HSPD1: variants seen among roughly 807,000 people sequenced by gnomAD.
HSPD1 encodes 60 kDa heat shock protein, mitochondrial.
HSPD1 carries 3 observed loss-of-function variants against 53.0 expected under a neutral mutation model. The observed-to-expected ratio is 0.06, with a 90% CI of 0.03 to 0.15. HSPD1 has a LOEUF of 0.15. Among genes scored for constraint, HSPD1 ranks in the 10% least tolerant of loss-of-function variants. The pLI, the probability that HSPD1 is intolerant of heterozygous loss-of-function variation, is 1.00. For synonymous variants in HSPD1, 200 were observed against 228.0 expected, an observed-to-expected ratio of 0.88 and a Z score of 1.10; for missense variants, 431 against 694.1, an observed-to-expected ratio of 0.62 and a Z score of 4.26.
intron 3 of HSPD1, chr2:197,496,901 C>A: frequency 1.9e-6 from 1 of 523,350 alleles, no homozygotes; most frequent in Non-Finnish European, 3.5e-6. Context: ...CAGAGCAAGA[C>A]CCTGTCTCTA....
At chr2:197,498,527 G>A (rs541343308) in intron 2 of HSPD1, 148 bp downstream of exon 2, 28 of 762,096 alleles carry the variant, frequency 3.7e-5, no homozygotes, top group East Asian at 1.6e-4. Flanking sequence ...AAGAAAAAAA[G>A]GCTAACCAAT....
chr2:197,487,520 G>A (rs1252577861), intron 11 of HSPD1, among the ~76,000 whole-genome samples: 3 of 152,180 alleles, frequency 2.0e-5, no homozygotes, highest in Admixed American at 1.3e-4. Flanking sequence ...GCGACACAGC[G>A]ACTCTGTCTT....
At chr2:197,490,423 G>GTTTT in intron 7 of HSPD1, 127 bp from the exon 8 acceptor site, 1 of 579,060 alleles carries the variant, frequency 1.7e-6, no homozygotes, top group African/African-American at 2.0e-5. Context: ...GTGTTTTTTT[G>GTTTT]TTTTTTTTTT....
chr2:197,491,805 C>G (rs2086095901), intron 7 of HSPD1, among the ~76,000 whole-genome samples: 1 of 152,286 alleles, frequency 6.6e-6, no homozygotes, highest in Admixed American at 6.5e-5. Context: ...GCTATTTTCT[C>G]TACTTCAGAC....
Position 197,487,053 on chromosome 2 carries a change from A to G in HSPD1, c.1715T>C (p.Met572Thr). ...GGMGGGMGGG[M>T]F ...AAAGCACTAGTCTAGGAGTTAGAACATGCCACCTCCCATACCACCTCCCAT... is the reference window on the plus strand; with the variant it reads ...AAAGCACTAGTCTAGGAGTTAGAACGTGCCACCTCCCATACCACCTCCCAT... Residue 572 changes from methionine to threonine, a missense_variant, in exon 12 of 12, where the codon ATG (methionine) becomes ACG (threonine). Physicochemically the swap from Met to Thr is moderately conservative, Grantham distance 81. Transcript: ENST00000388968. 1.4e-6 allele frequency: 2 copies of G among 1,450,098 alleles called. No homozygotes were observed. Among genetic ancestry groups the G allele is most frequent in the Non-Finnish European group, 1.9e-6 (2 of 1,030,534 alleles). 89.8% of individuals were successfully genotyped at this position (1,450,098 alleles called of 1,614,324 possible). A position where few individuals can be genotyped will look rare whatever the true frequency, so the allele number is the denominator to read the frequency against.
chr2:197,495,241 C>T, intron 4 of HSPD1, 53 bp downstream of exon 4: 1 of 999,006 alleles, frequency 1.0e-6, no homozygotes, highest in Non-Finnish European at 1.6e-6. Context: ...AAAAAAAAAT[C>T]ACACATGCCA....
chr2:197,491,042 T>A (rs2086085081), intron 7 of HSPD1, among the ~76,000 whole-genome samples: 1 of 152,132 alleles, frequency 6.6e-6, no homozygotes, highest in South Asian at 2.1e-4. Context: ...AGACAGCTGG[T>A]CTATTTTATT....
chr2:197,500,003 G>C, upstream of HSPD1: 1 of 158,912 alleles, frequency 6.3e-6, no homozygotes. Flanking sequence ...CCCTACCCGC[G>C]CAGGGTGTGC....
intron 2 of HSPD1, among the ~76,000 whole-genome samples, chr2:197,497,784 C>T (rs1203644075): frequency 6.6e-6 from 1 of 152,196 alleles, no homozygotes; most frequent in Non-Finnish European, 1.5e-5. Flanking sequence ...AAAATATTAA[C>T]CATCAAGGCA....
intron 7 of HSPD1, among the ~76,000 whole-genome samples, chr2:197,492,612 A>G (rs1250194430): frequency 2.0e-5 from 3 of 152,088 alleles, no homozygotes; most frequent in Non-Finnish European, 4.4e-5. Flanking sequence ...AAAAAACAAG[A>G]TTGACACTTG....
chr2:197,486,989 A>G lies in HSPD1; in HGVS notation c.*57T>C. ...TTCTCTGAAGTTATTGGTGAGGAACACTGCCTTGGGCTTCCTGTCACAGTT... is the reference window on the plus strand; with the variant it reads ...TTCTCTGAAGTTATTGGTGAGGAACGCTGCCTTGGGCTTCCTGTCACAGTT... On this transcript the variant is annotated 3_prime_UTR_variant, in exon 12 of 12. Coordinates refer to ENST00000388968, the MANE Select transcript of HSPD1 (RefSeq NM_002156.5). The G allele has an allele frequency of 2.8e-6, 3 of 1,056,998 alleles. No homozygotes were observed. Among genetic ancestry groups the G allele is most frequent in the Non-Finnish European group, 3.0e-6 (2 of 676,662 alleles). 65.5% of individuals were successfully genotyped at this position (1,056,998 alleles called of 1,614,324 possible). A position where few individuals can be genotyped will look rare whatever the true frequency, so the allele number is the denominator to read the frequency against.
At chr2:197,493,274 TTCTG>T (rs768902789) in intron 7 of HSPD1, 46 bp downstream of exon 7, 18 of 1,500,374 alleles carry the variant, frequency 1.2e-5, no homozygotes, top group African/African-American at 6.9e-5. Flanking sequence ...ATACAAATAA[TTCTG>T]TCTTTCACCG....
In HSPD1 at chr2:197,488,426, A is replaced by G; in HGVS notation, c.1281T>C (p.Ala427=). 1 of 1,613,622 alleles carries G rather than the reference A, an allele frequency of 6.2e-7. No individual in the cohort carries two copies. The highest frequency in any genetic ancestry group is 8.5e-7 in the Non-Finnish European group (1 of 1,179,488). Residue 427 remains alanine, a synonymous_variant, in exon 10 of 12, where the codon GCT becomes GCC. Transcript: ENST00000388968. ...KKDRVTDALN[A]TRAAVEEGIV... is the part of the protein sequence containing the mutation. ...TGCCTTCTTCAACAGCAGCTCTTGT[A>G]GCATTAAGGGCATCTGTAACTCTGT...
chr2:197,492,182 T>C (rs896439887), intron 7 of HSPD1, among the ~76,000 whole-genome samples: 3 of 152,008 alleles, frequency 2.0e-5, no homozygotes, highest in African/African-American at 7.3e-5. Flanking sequence ...GATGGTGAAA[T>C]ACACTTACAT....
intron 7 of HSPD1, among the ~76,000 whole-genome samples, chr2:197,491,083 C>G (rs973178966): frequency 5.3e-5 from 8 of 151,998 alleles, no homozygotes; most frequent in Non-Finnish European, 1.5e-5. Flanking sequence ...GAGGAATAAG[C>G]TATATGCTAT....
In HSPD1 at chr2:197,497,745, ATG is replaced by A. The variant is rs554495771; in HGVS notation, c.175-355_175-354del. 2.9e-3 allele frequency among the ~76,000 whole-genome samples: 445 copies of A among 152,378 alleles called. 1 individual carries two copies. The highest frequency in any genetic ancestry group is 4.8e-3 in the Non-Finnish European group (329 of 68,046). On this transcript the variant is annotated intron_variant, in intron 2 of 11. Coordinates refer to ENST00000388968, the MANE Select transcript of HSPD1 (RefSeq NM_002156.5). ...TTAGTGCCTGTTATCTTTTAAAGTA[ATG>A]TGACTTGTTTTAAAATCCGTTTAAC... is the stretch of plus-strand genomic sequence containing the variant.
At chr2:197,487,266 G>T in intron 11 of HSPD1, 68 bp from the exon 12 acceptor site, 1 of 1,423,312 alleles carries the variant, frequency 7.0e-7, no homozygotes, top group Non-Finnish European at 9.8e-7. Flanking sequence ...GAAAATTTCT[G>T]TCTGGGCATG....
intron 11 of HSPD1, 86 bp from the exon 12 acceptor site, chr2:197,487,284 ACAC>A: frequency 8.2e-7 from 1 of 1,221,232 alleles, no homozygotes; most frequent in South Asian, 1.3e-5. Flanking sequence ...ATGGTGGCTC[ACAC>A]CTGTAATCCA....
Position 197,495,315 on chromosome 2 carries a change from G to A in HSPD1, c.489C>T (p.Thr163=), listed in dbSNP as rs752291305. Residue 163 remains threonine, a synonymous_variant, in exon 4 of 12, where the codon ACC becomes ACT. Transcript: ENST00000388968. ...AELKKQSKPV[T]TPEEIAQVAT... The stretch of plus-strand genomic sequence containing the variant: ...TTACCTGTGCAATTTCTTCAGGGGT[G>A]GTCACAGGTTTAGACTGCTTTTTAA... The A allele has an allele frequency of 1.2e-6, 2 of 1,606,620 alleles. No individual in the cohort carries two copies. Among genetic ancestry groups the A allele is most frequent in the African/African-American group, 1.3e-5 (1 of 74,798 alleles).
Sources: allele counts gnomAD v4.1 joint callset (sites outside exome capture counted in the v4.1 genomes callset), GRCh38; gene constraint gnomAD v4.1.1; transcripts MANE v1.5; gene names NCBI Gene and HGNC (gene_info 2026-07-23, HGNC 2026-07-21).